The following ANXA11 variants were observed in gnomAD, a reference collection of about 807,000 sequenced individuals.
ANXA11 encodes annexin A11, also known as 56 kDa autoantigen.
A neutral mutation model predicts 64.7 loss-of-function variants in ANXA11; 57 were observed. The observed-to-expected ratio is 0.88, with a 90% CI of 0.71 to 1.10. The LOEUF (loss-of-function observed/expected upper bound fraction) is 1.10. Ranked by LOEUF, ANXA11 falls within the 50% of genes least tolerant of loss-of-function variation. The probability of loss-of-function intolerance (pLI) is 0.00; values close to 1 mark genes in which losing one functional copy is unlikely to be tolerated. For missense variants in ANXA11, 675 were observed against 670.7 expected, an observed-to-expected ratio of 1.01 and a Z score of -0.07; for synonymous variants, 260 against 265.2, an observed-to-expected ratio of 0.98 and a Z score of 0.19.
intron 12 of ANXA11, 118 bp downstream of exon 12, chr10:80,161,817 G>T: frequency 1.2e-6 from 1 of 827,146 alleles, no homozygotes; most frequent in Admixed American, 2.2e-5. Flanking sequence ...GGGCTCTTTT[G>T]AGGAGGCGAA....
intron 8 of ANXA11, among the ~76,000 whole-genome samples, chr10:80,165,300 C>T (rs1368994178): frequency 6.6e-6 from 1 of 152,230 alleles, no homozygotes; most frequent in African/African-American, 2.4e-5. Flanking sequence ...TCCTTCTGGG[C>T]TCCAGCCTGA....
intron 1 of ANXA11, among the ~76,000 whole-genome samples, chr10:80,184,850 A>G (rs1459033279): frequency 1.3e-5 from 2 of 152,234 alleles, no homozygotes; most frequent in Non-Finnish European, 2.9e-5. Flanking sequence ...GCAGTCCCAC[A>G]GCCTTGTTTA....
intron 4 of ANXA11, among the ~76,000 whole-genome samples, chr10:80,169,584 T>G (rs1191734298): frequency 6.6e-6 from 1 of 152,178 alleles, no homozygotes; most frequent in Admixed American, 6.5e-5. Flanking sequence ...CATCCCCTTC[T>G]GCAGGGGAGA....
At chr10:80,171,306 T>C in intron 3 of ANXA11, 6 of 1,017,334 alleles carry the variant, frequency 5.9e-6, no homozygotes, top group Non-Finnish European at 7.1e-6. Context: ...TAGGGAGCTC[T>C]GAGATTTCAG....
chr10:80,169,772 C>G (rs1361718492), intron 4 of ANXA11, among the ~76,000 whole-genome samples: 2 of 152,180 alleles, frequency 1.3e-5, no homozygotes, highest in Non-Finnish European at 2.9e-5. Flanking sequence ...CTGCACTCAC[C>G]AGGAATAAAA....
At chr10:80,157,405 G>A (rs1845316585) in intron 15 of ANXA11, 1 of 985,284 alleles carries the variant, frequency 1.0e-6, no homozygotes, top group African/African-American at 1.7e-5. Flanking sequence ...GAGGTCCCGA[G>A]TGTTCTCTGA....
rs143165716 is a variant in ANXA11 at position 80,161,972 on chromosome 10, C to T, written c.1143G>A (p.Ala381=). 3.6e-5 allele frequency: 58 copies of T among 1,612,748 alleles called. No homozygotes were observed. The African/African-American group carries it at 6.1e-4, about 17-fold the overall frequency. Residue 381 remains alanine, a synonymous_variant, in exon 12 of 16, where the codon GCG becomes GCA. Coordinates refer to ENST00000422982, the MANE Select transcript of ANXA11 (RefSeq NM_145868.2). ...GGGCCCGGCTCCGGGAGCACAGAAC[C>T]GCATTGAACTTGGACTCGTCTGTTC... ...RLGTDESKFN[A]VLCSRSRAHL...
chr10:80,155,811 G>A lies in ANXA11; in HGVS notation c.*42C>T. 1.3e-6 allele frequency: 2 copies of A among 1,580,680 alleles called. No homozygotes were observed. Among genetic ancestry groups the A allele is most frequent in the African/African-American group, 1.3e-5 (1 of 74,268 alleles). ...TTCTTTTGGCCTTTTCCTGGCACTG[G>A]TGTTGCCGGCAGGTGGGCAGAAGTG... On this transcript the variant is annotated 3_prime_UTR_variant, in exon 16 of 16. Coordinates refer to ENST00000422982, the MANE Select transcript of ANXA11 (RefSeq NM_145868.2).
chr10:80,196,440 T>A (rs561647141), intron 1 of ANXA11, among the ~76,000 whole-genome samples: 165 of 152,206 alleles, frequency 1.1e-3, no homozygotes, highest in South Asian at 4.4e-3. Context: ...TTTCTTTCAC[T>A]CTCTGGGTGG....
At chr10:80,190,448 T>C (rs1302867060) in intron 1 of ANXA11, among the ~76,000 whole-genome samples, 2 of 151,914 alleles carry the variant, frequency 1.3e-5, no homozygotes. Context: ...TTGTACTCCA[T>C]AAATTTACAT....
intron 10 of ANXA11, 64 bp downstream of exon 10, chr10:80,163,470 C>T (rs918131863): frequency 2.1e-5 from 34 of 1,610,032 alleles, no homozygotes; most frequent in Non-Finnish European, 2.7e-5. Context: ...TTCCTCATTG[C>T]GGGGATCCCA....
In ANXA11 at chr10:80,169,265, C is replaced by T. The variant is rs201713183; in HGVS notation, c.265G>A (p.Gly89Ser). The part of the protein sequence containing the change: ...GAGYPPVPPG[G>S]FGQPPSAQQP... ...TGGGCAGAGGGGGGCTGCCCAAAGCCGCCAGGGGGCACTGGTGGGTAGCCA... is the reference window on the plus strand; with the variant it reads ...TGGGCAGAGGGGGGCTGCCCAAAGCTGCCAGGGGGCACTGGTGGGTAGCCA... Residue 89 changes from glycine (G) to serine (S), a missense_variant, in exon 5 of 16, where the codon GGC (glycine) becomes AGC (serine). By Grantham distance (56) the Gly-to-Ser change is moderately conservative. Transcript: ENST00000422982. 6.5e-5 allele frequency: 105 copies of T among 1,611,754 alleles called. 1 individual carries two copies. The East Asian group carries it at 1.8e-3, about 27-fold the overall frequency.
intron 3 of ANXA11, among the ~76,000 whole-genome samples, chr10:80,171,434 G>A (rs1477098540): frequency 1.3e-5 from 2 of 152,232 alleles, no homozygotes; most frequent in Non-Finnish European, 2.9e-5. Context: ...GGTAAACACA[G>A]ATACCAGTCC....
intron 1 of ANXA11, among the ~76,000 whole-genome samples, chr10:80,177,314 C>T (rs186356347): frequency 1.8e-4 from 27 of 152,228 alleles, no homozygotes; most frequent in Admixed American, 7.2e-4. Context: ...CAGGACCAAA[C>T]GCCCCAGGTA....
intron 1 of ANXA11, among the ~76,000 whole-genome samples, chr10:80,178,629 C>T (rs916580109): frequency 2.0e-5 from 3 of 152,242 alleles, no homozygotes; most frequent in Non-Finnish European, 4.4e-5. Flanking sequence ...GGAAAACAGT[C>T]CCCTATAGGG....
chr10:80,186,168 A>G (rs1233539756), intron 1 of ANXA11, among the ~76,000 whole-genome samples: 1 of 152,148 alleles, frequency 6.6e-6, no homozygotes, highest in Non-Finnish European at 1.5e-5. Context: ...ACAGTTTAAT[A>G]CCAAGTTTGT....
rs756336958 is a variant in ANXA11 at position 80,157,923 on chromosome 10, C to A, written c.1335+44G>T. 2.5e-6 allele frequency: 4 copies of A among 1,606,736 alleles called. No individual in the cohort carries two copies. The Admixed American group carries it at 5.0e-5, about 20-fold the overall frequency. ...CTCAGCCCTTGGTCCCAGGCACAGG[C>A]GAGGCTAAGGTTCCATCGCAACCTG... On this transcript the variant is annotated intron_variant, in intron 14 of 15. Coordinates refer to ENST00000422982, the MANE Select transcript of ANXA11 (RefSeq NM_145868.2).
chr10:80,168,840 A>G (rs1337741374), intron 5 of ANXA11, 129 bp downstream of exon 5: 3 of 1,106,402 alleles, frequency 2.7e-6, no homozygotes, highest in African/African-American at 3.3e-5. Flanking sequence ...CCCGGCCGAC[A>G]CTATTTGTTA....
At chr10:80,205,566 G>C (rs1311563345), upstream of ANXA11, 1 of 152,078 alleles carries the variant, frequency 6.6e-6, no homozygotes, top group Non-Finnish European at 1.5e-5. Context: ...GGTGCCAGAG[G>C]CAGTGCAAGG....
Sources: gnomAD v4.1 joint callset for allele counts (sites outside exome capture counted in the v4.1 genomes callset) on GRCh38, gnomAD v4.1.1 for gene constraint, MANE v1.5 for transcripts, NCBI Gene and HGNC (gene_info 2026-07-23, HGNC 2026-07-21) for gene names.